The following SDHC variants were observed in gnomAD, a reference collection of about 807,000 sequenced individuals.
SDHC encodes succinate dehydrogenase complex subunit C, also known as succinate dehydrogenase cytochrome b560 subunit, mitochondrial.
SDHC carries 11 observed loss-of-function variants against 22.6 expected under a neutral mutation model. The observed-to-expected ratio is 0.49, with a 90% CI of 0.31 to 0.81. SDHC has a LOEUF of 0.81. SDHC is among the 30% of genes least tolerant of loss of function. The pLI, the probability that SDHC is intolerant of heterozygous loss-of-function variation, is 0.05. For synonymous variants in SDHC, 80 were observed against 77.8 expected (o/e 1.03, Z -0.15); for missense variants, 160 against 212.0 (o/e 0.75, Z 1.52).
At chr1:161,360,643 G>C (rs560512702) in intron 5 of SDHC, among the ~76,000 whole-genome samples, 2 of 151,976 alleles carry the variant, frequency 1.3e-5, no homozygotes, top group Non-Finnish European at 1.5e-5. Flanking sequence ...CACTTTGGGA[G>C]GCTGAGGCGG....
intron 3 of SDHC, among the ~76,000 whole-genome samples, chr1:161,333,250 G>T (rs944882717): frequency 1.3e-5 from 2 of 152,076 alleles, no homozygotes; most frequent in Admixed American, 6.6e-5. Flanking sequence ...ATTGATGGAC[G>T]TTTGAGCTGT....
intron 4 of SDHC, among the ~76,000 whole-genome samples, chr1:161,356,187 A>T (rs1435502295): frequency 6.6e-6 from 1 of 152,156 alleles, no homozygotes; most frequent in African/African-American, 2.4e-5. Context: ...CATTTAGTTT[A>T]TGATGAGATC....
chr1:161,354,620 T>TC, intron 4 of SDHC, among the ~76,000 whole-genome samples: 1 of 151,518 alleles, frequency 6.6e-6, no homozygotes, highest in East Asian at 1.9e-4. Context: ...TTTTTTTCTT[T>TC]TTTTTTTTTT....
At chr1:161,358,503 G>A (rs970844784) in intron 5 of SDHC, among the ~76,000 whole-genome samples, 22 of 152,004 alleles carry the variant, frequency 1.4e-4, no homozygotes, top group African/African-American at 5.1e-4. Flanking sequence ...CAGGTATGGT[G>A]GTGTGCGCCT....
intron 4 of SDHC, among the ~76,000 whole-genome samples, chr1:161,345,988 T>C (rs1007055534): frequency 6.6e-6 from 1 of 151,548 alleles, no homozygotes; most frequent in African/African-American, 2.4e-5. Flanking sequence ...GTATTTTTAG[T>C]AGAGACAGGG....
At chr1:161,326,446 A>G (rs1571848008) in intron 2 of SDHC, among the ~76,000 whole-genome samples, 1 of 151,602 alleles carries the variant, frequency 6.6e-6, no homozygotes, top group South Asian at 2.1e-4. Flanking sequence ...TGAAAGAAGC[A>G]AGTTTATTAG....
chr1:161,315,351 T>A (rs1014964423), intron 1 of SDHC, among the ~76,000 whole-genome samples: 1 of 152,250 alleles, frequency 6.6e-6, no homozygotes, highest in African/African-American at 2.4e-5. Flanking sequence ...TTAGTTTTTC[T>A]GTGACAAAAT....
intron 4 of SDHC, among the ~76,000 whole-genome samples, chr1:161,351,353 A>G (rs971342173): frequency 1.3e-5 from 2 of 152,150 alleles, no homozygotes; most frequent in South Asian, 2.1e-4. Flanking sequence ...CATCTTTGAG[A>G]TCTCTTGAGA....
At chr1:161,352,389 C>A (rs72714983) in intron 4 of SDHC, among the ~76,000 whole-genome samples, 10,377 of 152,100 alleles carry the variant, frequency 0.068, 505 homozygotes, top group Middle Eastern at 0.11. Context: ...GTAATGATCC[C>A]AGATCTCCTT....
At chr1:161,346,515 C>T (rs1671903483) in intron 4 of SDHC, among the ~76,000 whole-genome samples, 2 of 152,042 alleles carry the variant, frequency 1.3e-5, no homozygotes, top group Admixed American at 6.6e-5. Flanking sequence ...TCTCCTGCCT[C>T]AGCCTCCCGA....
intron 4 of SDHC, among the ~76,000 whole-genome samples, chr1:161,353,195 G>A (rs1403288485): frequency 6.6e-6 from 1 of 152,094 alleles, no homozygotes; most frequent in African/African-American, 2.4e-5. Context: ...TCATTTGAGA[G>A]TAGGTGGTGT....
intron 4 of SDHC, among the ~76,000 whole-genome samples, chr1:161,348,105 C>T (rs1010480939): frequency 2.0e-5 from 3 of 152,040 alleles, no homozygotes; most frequent in Non-Finnish European, 4.4e-5. Flanking sequence ...AGCATGTTAA[C>T]ACTAGTTTGA....
chr1:161,324,252 T>A (rs1367544932), intron 2 of SDHC, among the ~76,000 whole-genome samples: 3 of 152,164 alleles, frequency 2.0e-5, no homozygotes, highest in Non-Finnish European at 4.4e-5. Context: ...CACAAGCATG[T>A]GGTGTGCCAC....
chr1:161,328,303 G>T, intron 2 of SDHC, 93 bp from the exon 3 acceptor site: 1 of 1,023,244 alleles, frequency 9.8e-7, no homozygotes, highest in Non-Finnish European at 1.5e-6. Context: ...TGCCTGGCTT[G>T]GTATTGCAAA....
intron 4 of SDHC, among the ~76,000 whole-genome samples, chr1:161,347,293 C>A (rs1195795518): frequency 1.3e-5 from 2 of 151,908 alleles, no homozygotes; most frequent in Non-Finnish European, 2.9e-5. Context: ...CTCGCTCTGT[C>A]GGCCAGGCTG....
chr1:161,335,678 G>C (rs1294634499), intron 3 of SDHC, among the ~76,000 whole-genome samples: 2 of 151,970 alleles, frequency 1.3e-5, no homozygotes, highest in African/African-American at 4.8e-5. Context: ...TCAGTATCTG[G>C]GTGCTAGATG....
intron 3 of SDHC, among the ~76,000 whole-genome samples, chr1:161,333,981 T>C (rs1377961722): frequency 6.6e-6 from 1 of 152,234 alleles, no homozygotes; most frequent in African/African-American, 2.4e-5. Flanking sequence ...CAATCTATAC[T>C]AATTTTCTAT....
chr1:161,344,113 C>T (rs982993068), intron 4 of SDHC, among the ~76,000 whole-genome samples: 10 of 151,784 alleles, frequency 6.6e-5, no homozygotes, highest in East Asian at 1.9e-4. Context: ...GGTGAAACCC[C>T]GTCTCTACTA....
chr1:161,332,949 C>CA lies in SDHC; in HGVS notation c.179+4453dup, dbSNP rs1355981748. On this transcript the variant is annotated intron_variant, in intron 3 of 5. Coordinates refer to ENST00000367975, the MANE Select transcript of SDHC (RefSeq NM_003001.5). The stretch of plus-strand genomic sequence containing the variant: ...TGCCCAGCCAATTTTAGAATGTTTT[C>CA]ATCACTCCAGAAAGAAACACTACAT... 6.6e-5 allele frequency among the ~76,000 whole-genome samples: 10 copies of CA among 152,242 alleles called. No homozygotes were observed. In the East Asian group the frequency reaches 1.9e-3, roughly 29 times the overall value.
Sources: gnomAD v4.1 joint callset for allele counts (sites outside exome capture counted in the v4.1 genomes callset) on GRCh38, gnomAD v4.1.1 for gene constraint, MANE v1.5 for transcripts, NCBI Gene and HGNC (gene_info 2026-07-23, HGNC 2026-07-21) for gene names.